KSR2: variants seen among roughly 807,000 people sequenced by gnomAD.
KSR2 encodes the protein kinase suppressor of ras 2.
KSR2 carries 25 observed loss-of-function variants against 107.8 expected under a neutral mutation model. The ratio of observed to expected loss-of-function variants is 0.23; its 90% confidence interval spans 0.17 to 0.32. The LOEUF (loss-of-function observed/expected upper bound fraction) is 0.32, where lower values mean the gene tolerates loss of function less well. Ranked by LOEUF, KSR2 falls within the 10% of genes least tolerant of loss-of-function variation. The pLI is 1.00. For synonymous variants in KSR2, 480 were observed against 507.0 expected, an observed-to-expected ratio of 0.95 and a Z score of 0.71; for missense variants, 887 against 1,268.9, an observed-to-expected ratio of 0.70 and a Z score of 4.57.
At chr12:117,857,233 AT>A (rs1459533237) in intron 2 of KSR2, among the ~76,000 whole-genome samples, 1 of 151,784 alleles carries the variant, frequency 6.6e-6, no homozygotes, top group African/African-American at 2.4e-5. Context: ...TAATTTTTAA[AT>A]TTTTTTGTAG....
At chr12:117,568,805 T>C (rs1216712169) in intron 7 of KSR2, among the ~76,000 whole-genome samples, 2 of 152,144 alleles carry the variant, frequency 1.3e-5, no homozygotes, top group Admixed American at 1.3e-4. Flanking sequence ...ACAACTATAA[T>C]TAGACCTAAA....
chr12:117,535,138 C>T (rs992739866), intron 10 of KSR2, among the ~76,000 whole-genome samples: 1 of 152,158 alleles, frequency 6.6e-6, no homozygotes, highest in Non-Finnish European at 1.5e-5. Flanking sequence ...GTAGCTGGTA[C>T]ACAGTAGATG....
At chr12:117,916,270 G>A (rs1001180110) in intron 1 of KSR2, among the ~76,000 whole-genome samples, 5 of 151,230 alleles carry the variant, frequency 3.3e-5, no homozygotes, top group Non-Finnish European at 5.9e-5. Flanking sequence ...TTGAGTAGCC[G>A]GGACCACAGA....
At chr12:117,695,315 G>A (rs899209090) in intron 4 of KSR2, among the ~76,000 whole-genome samples, 2 of 152,146 alleles carry the variant, frequency 1.3e-5, no homozygotes, top group African/African-American at 4.8e-5. Flanking sequence ...GGTGATGGTT[G>A]CACAACAATG....
chr12:117,701,087 G>GTTTA (rs1249110666), intron 4 of KSR2, among the ~76,000 whole-genome samples: 3 of 151,364 alleles, frequency 2.0e-5, no homozygotes, highest in African/African-American at 4.8e-5. Context: ...TTGTTTGTTT[G>GTTTA]TTTATTTATT....
intron 14 of KSR2, among the ~76,000 whole-genome samples, chr12:117,518,361 G>A (rs887772186): frequency 1.3e-5 from 2 of 151,866 alleles, no homozygotes; most frequent in African/African-American, 2.4e-5. Flanking sequence ...CTAATACCTC[G>A]CCCCATCCTA....
chr12:117,526,390 C>T (rs1875169026), intron 13 of KSR2, among the ~76,000 whole-genome samples: 1 of 152,190 alleles, frequency 6.6e-6, no homozygotes, highest in South Asian at 2.1e-4. Context: ...CCTGATGAAA[C>T]AGCCTGAGAA....
chr12:117,790,185 G>C (rs1228310701), intron 3 of KSR2, among the ~76,000 whole-genome samples: 1 of 152,184 alleles, frequency 6.6e-6, no homozygotes, highest in African/African-American at 2.4e-5. Flanking sequence ...CCAAGGTTAA[G>C]GACGTGCCTG....
At chr12:117,576,133 T>C (rs1359830675) in intron 7 of KSR2, among the ~76,000 whole-genome samples, 4 of 152,246 alleles carry the variant, frequency 2.6e-5, no homozygotes. Flanking sequence ...ACTTCTGAGT[T>C]CTGCCTCTAG....
At chr12:117,876,450 G>A (rs1566063002) in intron 1 of KSR2, among the ~76,000 whole-genome samples, 1 of 152,196 alleles carries the variant, frequency 6.6e-6, no homozygotes, top group Non-Finnish European at 1.5e-5. Flanking sequence ...AGCTGCCTCT[G>A]CAGGAAGGAA....
intron 4 of KSR2, among the ~76,000 whole-genome samples, chr12:117,760,796 G>T (rs1397789653): frequency 6.6e-6 from 1 of 152,204 alleles, no homozygotes; most frequent in Non-Finnish European, 1.5e-5. Flanking sequence ...CTAGGCCATA[G>T]GATATTAATC....
At chr12:117,932,374 A>G (rs1895718022) in intron 1 of KSR2, among the ~76,000 whole-genome samples, 1 of 152,158 alleles carries the variant, frequency 6.6e-6, no homozygotes, top group Non-Finnish European at 1.5e-5. Flanking sequence ...CAAGAAGCAC[A>G]GGCCAGACAA....
At chr12:117,582,476 C>A in intron 5 of KSR2, 117 bp from the exon 6 acceptor site, 3 of 759,782 alleles carry the variant, frequency 3.9e-6, no homozygotes, top group Non-Finnish European at 2.3e-6. Flanking sequence ...CAGTTGCCAT[C>A]ACTTGCTAAA....
At chr12:117,740,471 A>T (rs529072320) in intron 4 of KSR2, among the ~76,000 whole-genome samples, 7,371 of 103,282 alleles carry the variant, frequency 0.071, 278 homozygotes, top group South Asian at 0.13. Flanking sequence ...TATTATATGT[A>T]ATATATAACA....
intron 5 of KSR2, among the ~76,000 whole-genome samples, chr12:117,603,636 C>T (rs569699804): frequency 2.4e-4 from 36 of 152,302 alleles, no homozygotes; most frequent in Admixed American, 9.8e-4. Context: ...GAAGTTTAGC[C>T]ATCAATGCTG....
chr12:117,798,553 A>C (rs1192129463), intron 3 of KSR2, among the ~76,000 whole-genome samples: 2 of 152,048 alleles, frequency 1.3e-5, no homozygotes, highest in East Asian at 3.9e-4. Context: ...GAATCACTTG[A>C]AACTGGGAGG....
intron 1 of KSR2, among the ~76,000 whole-genome samples, chr12:117,911,384 C>A (rs1467609374): frequency 6.6e-6 from 1 of 152,136 alleles, no homozygotes; most frequent in African/African-American, 2.4e-5. Flanking sequence ...GCTGCTGTTC[C>A]TTCCTCCTGG....
intron 3 of KSR2, among the ~76,000 whole-genome samples, chr12:117,823,991 A>G (rs1243384720): frequency 6.6e-6 from 1 of 152,228 alleles, no homozygotes; most frequent in African/African-American, 2.4e-5. Context: ...CAAAATATGG[A>G]CACAACCTAA....
At chr12:117,690,577 A>G (rs1885773079) in intron 4 of KSR2, among the ~76,000 whole-genome samples, 1 of 152,136 alleles carries the variant, frequency 6.6e-6, no homozygotes, top group Non-Finnish European at 1.5e-5. Context: ...AAAAAAAGAT[A>G]AAAGAATGGC....
Sources: allele counts gnomAD v4.1 joint callset (sites outside exome capture counted in the v4.1 genomes callset), GRCh38; gene constraint gnomAD v4.1.1; transcripts MANE v1.5; gene names NCBI Gene and HGNC (gene_info 2026-07-23, HGNC 2026-07-21).